Variants in AKAP9 observed in about 807,000 individuals in gnomAD.
The protein encoded by AKAP9 is A-kinase anchor protein 9.
Under a neutral mutation model 488.5 loss-of-function variants are expected in AKAP9, and 311 were observed. The ratio of observed to expected loss-of-function variants is 0.64; its 90% CI spans 0.58 to 0.70. The LOEUF (loss-of-function observed/expected upper bound fraction) is 0.70, where lower values mean the gene tolerates loss of function less well. AKAP9 is among the 30% of genes least tolerant of loss of function. The pLI is 0.00. For synonymous variants in AKAP9, 1,462 were observed against 1,483.5 expected (o/e 0.99, Z 0.33); for missense variants, 4,215 against 4,374.5 (o/e 0.96, Z 1.03).
chr7:91,973,143 A>C (rs1290175894), intron 1 of AKAP9, among the ~76,000 whole-genome samples: 3 of 152,184 alleles, frequency 2.0e-5, no homozygotes, highest in African/African-American at 7.2e-5. Context: ...GGGGAGGCTG[A>C]GGCAGGCGAA....
chr7:92,069,691 T>C (rs938939454), intron 26 of AKAP9, among the ~76,000 whole-genome samples: 2 of 152,168 alleles, frequency 1.3e-5, no homozygotes, highest in Admixed American at 6.5e-5. Context: ...AATGAGCATT[T>C]CCTTTGAGCA....
intron 45 of AKAP9, among the ~76,000 whole-genome samples, chr7:92,101,603 C>T (rs1013201323): frequency 6.6e-6 from 1 of 152,270 alleles, no homozygotes; most frequent in East Asian, 1.9e-4. Context: ...CTCATGGTTC[C>T]ACTTTCCCTG....
intron 7 of AKAP9, among the ~76,000 whole-genome samples, chr7:91,998,302 A>G (rs1359388920): frequency 6.6e-6 from 1 of 151,816 alleles, no homozygotes; most frequent in Non-Finnish European, 1.5e-5. Context: ...TGTGTTGATG[A>G]TCAAAAGCTC....
Position 92,077,852 on chromosome 7 carries a change from C to T in AKAP9, c.6922C>T (p.Leu2308Phe). The T allele has an allele frequency of 6.2e-7, 1 of 1,612,910 alleles. No individual in the cohort carries two copies. The highest frequency in any genetic ancestry group is 2.2e-5 in the East Asian group (1 of 44,764). ...NEQVTKLQQQLKITTDNKVIE... is the reference protein window; with the variant it reads ...NEQVTKLQQQFKITTDNKVIE... Reference sequence around the variant, plus strand: ...ACAAGTTACGAAACTCCAGCAGCAACTTAAAATTACAACAGATAACAAGGT... The same window carrying T: ...ACAAGTTACGAAACTCCAGCAGCAATTTAAAATTACAACAGATAACAAGGT... Residue 2308 changes from leucine to phenylalanine, a missense_variant, in exon 30 of 50, where the codon CTT (leucine) becomes TTT (phenylalanine). Transcript: ENST00000356239.
chr7:92,018,394 T>C (rs1460171046), intron 12 of AKAP9, among the ~76,000 whole-genome samples: 1 of 83,884 alleles, frequency 1.2e-5, no homozygotes, highest in Non-Finnish European at 2.4e-5. Flanking sequence ...TCTAAAAATA[T>C]AACACACACA....
chr7:91,999,130 G>A (rs886331904), intron 7 of AKAP9, among the ~76,000 whole-genome samples: 2 of 152,122 alleles, frequency 1.3e-5, no homozygotes, highest in African/African-American at 2.4e-5. Flanking sequence ...TCTGGCCTTC[G>A]ACTTGTAGGT....
intron 10 of AKAP9, among the ~76,000 whole-genome samples, chr7:92,015,292 G>A (rs572665985): frequency 2.6e-5 from 4 of 152,080 alleles, no homozygotes; most frequent in Non-Finnish European, 2.9e-5. Flanking sequence ...GAGAAGAACC[G>A]GAACAACGCG....
intron 15 of AKAP9, 108 bp downstream of exon 15, chr7:92,030,099 A>G (rs1472507569): frequency 1.8e-5 from 14 of 784,664 alleles, no homozygotes; most frequent in Non-Finnish European, 2.3e-5. Flanking sequence ...AGTAAGCATA[A>G]TAAATATGAG....
At chr7:92,080,531 G>T (rs1813351059) in intron 31 of AKAP9, among the ~76,000 whole-genome samples, 1 of 151,840 alleles carries the variant, frequency 6.6e-6, no homozygotes, top group Non-Finnish European at 1.5e-5. Flanking sequence ...CCGGGAGGCA[G>T]AGCTTGCAGT....
intron 24 of AKAP9, 21 bp from the exon 25 acceptor site, chr7:92,065,210 A>G: frequency 1.8e-5 from 25 of 1,416,822 alleles, no homozygotes; most frequent in Non-Finnish European, 2.3e-5. Flanking sequence ...TTAATTCAGT[A>G]TATTTTGTAT....
At chr7:92,100,335 G>T (rs1029346354) in intron 44 of AKAP9, among the ~76,000 whole-genome samples, 1 of 152,138 alleles carries the variant, frequency 6.6e-6, no homozygotes, top group African/African-American at 2.4e-5. Context: ...ATTACTCTGA[G>T]AATTTACTTA....
intron 39 of AKAP9, 49 bp from the exon 40 acceptor site, chr7:92,094,974 T>A (rs190741527): frequency 6.3e-7 from 1 of 1,581,672 alleles, no homozygotes; most frequent in Non-Finnish European, 8.7e-7. Context: ...TCTCATTATA[T>A]GCTTCGTCAA....
intron 38 of AKAP9, chr7:92,089,837 GA>G (rs1446830236): frequency 5.1e-6 from 1 of 195,480 alleles, no homozygotes; most frequent in Non-Finnish European, 1.1e-5. Context: ...TCATAAAACA[GA>G]AAATACTCTT....
chr7:91,992,657 C>T (rs1319259426), intron 4 of AKAP9, among the ~76,000 whole-genome samples: 2 of 94,184 alleles, frequency 2.1e-5, no homozygotes, highest in Non-Finnish European at 3.9e-5. Context: ...GAGCAAGACT[C>T]TGTCAAAAAA....
intron 19 of AKAP9, among the ~76,000 whole-genome samples, 195 bp from the exon 20 acceptor site, chr7:92,042,473 G>C (rs1002494935): frequency 1.3e-5 from 2 of 152,034 alleles, no homozygotes; most frequent in African/African-American, 4.8e-5. Context: ...TTTTTTATTT[G>C]TGTACGAGAA....
intron 16 of AKAP9, among the ~76,000 whole-genome samples, chr7:92,037,474 C>T (rs1168075134): frequency 6.6e-6 from 1 of 152,130 alleles, no homozygotes; most frequent in African/African-American, 2.4e-5. Context: ...ATACTTTATT[C>T]TGGGTTTATT....
At position 92,031,474 on chromosome 7, in the gene AKAP9, TAATG is replaced by T. The variant is rs1240081181; in HGVS notation, c.4246-37_4246-34del. The T allele has an allele frequency of 5.8e-6, 8 of 1,382,260 alleles. No homozygotes were observed. In the African/African-American group the frequency reaches 9.9e-5, roughly 17 times the overall value. The allele number at this position is 1,382,260 out of a possible 1,614,324, so 85.6% of individuals were successfully genotyped here. On this transcript the variant is annotated intron_variant, in intron 15 of 49. Transcript: ENST00000356239. ...AGTTTAAAAATAAGTGGTGTATAAT[TAATG>T]TAAATAAATGTCATATTTTGCTTTT...
intron 21 of AKAP9, among the ~76,000 whole-genome samples, chr7:92,048,118 C>T (rs1408952590): frequency 5.3e-5 from 8 of 152,104 alleles, no homozygotes; most frequent in Admixed American, 3.9e-4. Context: ...GACATTCCTT[C>T]ATAAATATAA....
At chr7:91,975,897 T>C (rs1450368278) in intron 2 of AKAP9, among the ~76,000 whole-genome samples, 1 of 141,726 alleles carries the variant, frequency 7.1e-6, no homozygotes, top group Non-Finnish European at 1.5e-5. Flanking sequence ...TTTTTTAGTT[T>C]ATTGGTTTGT....
Sources: allele counts gnomAD v4.1 joint callset (sites outside exome capture counted in the v4.1 genomes callset), GRCh38; gene constraint gnomAD v4.1.1; transcripts MANE v1.5; gene names NCBI Gene and HGNC (gene_info 2026-07-23, HGNC 2026-07-21).